NDST1: variants seen among roughly 807,000 people sequenced by gnomAD.
NDST1 encodes the protein bifunctional heparan sulfate N-deacetylase/N-sulfotransferase 1.
Under a neutral mutation model 92.8 loss-of-function variants are expected in NDST1, and 35 were observed. The observed-to-expected ratio is 0.38, with a 90% confidence interval of 0.29 to 0.50. NDST1 has a LOEUF of 0.50. Ranked by LOEUF, NDST1 falls within the 20% of genes least tolerant of loss-of-function variation. NDST1 has a pLI of 0.94. For missense variants in NDST1, 822 were observed against 1,182.7 expected (o/e 0.69, Z 4.47); for synonymous variants, 493 against 500.3 (o/e 0.99, Z 0.19).
intron 4 of NDST1, 40 bp downstream of exon 4, chr5:150,533,072 G>A (rs913566640): frequency 5.7e-6 from 9 of 1,582,448 alleles, no homozygotes; most frequent in Non-Finnish European, 6.9e-6. Context: ...CAACTTCCAG[G>A]ACTCCTCAGC....
chr5:150,517,992 G>A (rs1754060018), intron 1 of NDST1, among the ~76,000 whole-genome samples: 1 of 152,216 alleles, frequency 6.6e-6, no homozygotes, highest in African/African-American at 2.4e-5. Context: ...CCTTATCAAT[G>A]GTAAATGGGA....
intron 3 of NDST1, 31 bp downstream of exon 3, chr5:150,528,329 C>A (rs1429875408): frequency 1.9e-6 from 3 of 1,556,066 alleles, no homozygotes; most frequent in Non-Finnish European, 2.6e-6. Context: ...CCGGGCAAGG[C>A]AGGTGGGGCC....
intron 6 of NDST1, 28 bp from the exon 7 acceptor site, chr5:150,539,200 T>C (rs760445848): frequency 3.8e-6 from 6 of 1,581,886 alleles, no homozygotes; most frequent in Non-Finnish European, 5.2e-6. Context: ...GAAGGCACCA[T>C]AGCTCCTCTC....
intron 1 of NDST1, among the ~76,000 whole-genome samples, chr5:150,519,213 C>T (rs1754127129): frequency 6.6e-6 from 1 of 152,194 alleles, no homozygotes; most frequent in Admixed American, 6.5e-5. Context: ...CCTGGAAGTG[C>T]AGCTGTCGGG....
At chr5:150,528,835 T>G (rs1427795022) in intron 3 of NDST1, among the ~76,000 whole-genome samples, 2 of 152,260 alleles carry the variant, frequency 1.3e-5, no homozygotes, top group African/African-American at 4.8e-5. Flanking sequence ...ATTGAAGTAT[T>G]GAATATGAGG....
Position 150,527,915 on chromosome 5 carries a change from G to A in NDST1, c.625G>A (p.Val209Met), listed in dbSNP as rs774158648. ...SINPKSPLLY[V>M]TRPSEVEKGV... ...CAACCCCAAGTCCCCGCTGCTCTAC[G>A]TGACGCGACCTAGCGAGGTGGAGAA... Residue 209 changes from valine (V) to methionine (M), a missense_variant, in exon 3 of 15, where the codon GTG (valine) becomes ATG (methionine). Coordinates refer to ENST00000261797, the MANE Select transcript of NDST1 (RefSeq NM_001543.5). 6.2e-6 allele frequency: 10 copies of A among 1,614,088 alleles called. No individual in the cohort carries two copies. The highest frequency in any genetic ancestry group is 1.6e-4 in the Middle Eastern group (1 of 6,084).
At chr5:150,498,518 G>A (rs1753093233) in intron 1 of NDST1, among the ~76,000 whole-genome samples, 1 of 152,180 alleles carries the variant, frequency 6.6e-6, no homozygotes, top group Non-Finnish European at 1.5e-5. Context: ...AGCTTAGAGA[G>A]CAGGGGTGGG....
intron 5 of NDST1, chr5:150,535,426 A>C: frequency 1.0e-6 from 1 of 977,298 alleles, no homozygotes. Context: ...CCCTCACTAC[A>C]GGGTACTTGA....
chr5:150,506,435 G>T (rs1316176350), upstream of NDST1, among the ~76,000 whole-genome samples: 3 of 152,128 alleles, frequency 2.0e-5, no homozygotes, highest in Non-Finnish European at 4.4e-5. Context: ...CCTTCTAAAA[G>T]GCTCCTCGCG....
chr5:150,539,641 C>T, intron 7 of NDST1: 1 of 985,260 alleles, frequency 1.0e-6, no homozygotes, highest in Non-Finnish European at 1.2e-6. Context: ...TGTATACACA[C>T]ATACACAGAT....
intron 3 of NDST1, among the ~76,000 whole-genome samples, chr5:150,531,133 C>T (rs1414085849): frequency 4.6e-5 from 7 of 151,936 alleles, no homozygotes; most frequent in African/African-American, 7.3e-5. Flanking sequence ...ACATGAATGT[C>T]GCCTCATTAG....
chr5:150,503,470 TA>T (rs1369709136), upstream of NDST1, among the ~76,000 whole-genome samples: 129 of 151,998 alleles, frequency 8.5e-4, 1 homozygote, highest in Admixed American at 8.4e-3. Context: ...AACAAAAAAA[TA>T]AAGCACTTAG....
chr5:150,527,053 T>C (rs1212989023), intron 2 of NDST1, among the ~76,000 whole-genome samples: 4 of 152,238 alleles, frequency 2.6e-5, no homozygotes, highest in Admixed American at 2.6e-4. Context: ...AACATCTGCA[T>C]TGGCATCCAC....
At chr5:150,531,916 C>T (rs570109934) in intron 3 of NDST1, among the ~76,000 whole-genome samples, 16 of 152,296 alleles carry the variant, frequency 1.1e-4, no homozygotes, top group South Asian at 6.2e-4. Flanking sequence ...ACTGGGTGCA[C>T]GGTGCGCGGG....
chr5:150,540,210 G>T lies in NDST1; in HGVS notation c.1695G>T (p.Gln565His). The T allele has an allele frequency of 6.2e-7, 1 of 1,614,116 alleles. No individual in the cohort carries two copies. Among genetic ancestry groups the T allele is most frequent in the Non-Finnish European group, 8.5e-7 (1 of 1,179,976 alleles). ...GGCTGCAGACACTGCCCCCTGTGCA[G>T]TTGGCGCAGAAGTACTTCCAGATCT... Reference protein sequence around the residue: ...NLRLQTLPPVQLAQKYFQIFS... With the variant: ...NLRLQTLPPVHLAQKYFQIFS... The change falls in exon 8 of 15, where the codon CAG becomes CAT. Residue 565 changes from glutamine (Q) to histidine (H), a missense_variant. Transcript: ENST00000261797.
chr5:150,511,699 C>A (rs1014086173), intron 1 of NDST1, among the ~76,000 whole-genome samples: 2 of 152,002 alleles, frequency 1.3e-5, no homozygotes, highest in African/African-American at 4.8e-5. Context: ...GACTGACAGG[C>A]GGCAGCTTGG....
Position 150,557,243 on chromosome 5 carries a change from CAG to C in NDST1, c.*3912_*3913del, listed in dbSNP as rs1318953512. On this transcript the variant is annotated 3_prime_UTR_variant, in exon 15 of 15. Transcript: ENST00000261797. The surrounding 1 kb of genome is among the most constrained non-coding windows in gnomAD (Gnocchi z 4.7). ...TATCTGGGCCTTGGAAGGAAGGACA[CAG>C]GGCTCTGGAAGGAGGAGGCTGCATG... The C allele has an allele frequency of 5.2e-5, 8 of 152,806 alleles. No individual in the cohort carries two copies. The highest frequency in any genetic ancestry group is 1.2e-4 in the Non-Finnish European group (8 of 68,158). The allele number at this position is 152,806 out of a possible 1,614,324, so 9.5% of individuals were successfully genotyped here. A position where few individuals can be genotyped will look rare whatever the true frequency, so the allele number is the denominator to read the frequency against.
At chr5:150,522,655 A>G (rs1376033814) in intron 2 of NDST1, among the ~76,000 whole-genome samples, 2 of 152,174 alleles carry the variant, frequency 1.3e-5, no homozygotes, top group Admixed American at 6.5e-5. Flanking sequence ...CCCTGCTGTC[A>G]TGGAGCTGGC....
intron 1 of NDST1, among the ~76,000 whole-genome samples, chr5:150,515,604 A>T (rs1300430031): frequency 6.6e-6 from 1 of 152,132 alleles, no homozygotes; most frequent in Non-Finnish European, 1.5e-5. Flanking sequence ...ATTCCAGGCA[A>T]TGGGAATTTC....
Sources: gnomAD v4.1 joint callset for allele counts (sites outside exome capture counted in the v4.1 genomes callset) on GRCh38, gnomAD v4.1.1 for gene constraint, Gnocchi (gnomAD v3.1) non-coding constraint, MANE v1.5 for transcripts, NCBI Gene and HGNC (gene_info 2026-07-23, HGNC 2026-07-21) for gene names.